Variants in GAB2 observed in about 807,000 individuals in gnomAD.
GAB2 encodes GRB2 associated binding protein 2.
In GAB2, 26 loss-of-function variants were observed where a neutral mutation model predicts 65.5. The observed-to-expected ratio is 0.40, with a 90% CI of 0.29 to 0.55. The LOEUF is 0.55. Ranked by LOEUF, GAB2 falls within the 20% of genes least tolerant of loss-of-function variation. GAB2 has a pLI of 0.53. For missense variants in GAB2, 884 were observed against 875.8 expected (o/e 1.01, Z -0.12); for synonymous variants, 321 against 329.6 (o/e 0.97, Z 0.28).
At chr11:78,394,324 A>G (rs1856868401) in intron 1 of GAB2, among the ~76,000 whole-genome samples, 1 of 152,098 alleles carries the variant, frequency 6.6e-6, no homozygotes, top group Non-Finnish European at 1.5e-5. Context: ...AAGCTATACT[A>G]TGAGATCTTC....
intron 2 of GAB2, among the ~76,000 whole-genome samples, chr11:78,278,529 C>G (rs151054452): frequency 6.6e-6 from 1 of 151,658 alleles, no homozygotes; most frequent in African/African-American, 2.4e-5. Flanking sequence ...TACAGGTGCA[C>G]GTCACCACAG....
chr11:78,374,604 T>C (rs1379972266), intron 1 of GAB2, among the ~76,000 whole-genome samples: 2 of 152,244 alleles, frequency 1.3e-5, no homozygotes, highest in African/African-American at 2.4e-5. Context: ...ATGCTGGTCA[T>C]TACGCTGAAT....
At chr11:78,263,611 C>T (rs963097413) in intron 2 of GAB2, among the ~76,000 whole-genome samples, 6 of 141,968 alleles carry the variant, frequency 4.2e-5, no homozygotes, top group African/African-American at 1.6e-4. Flanking sequence ...CCAACTTGGG[C>T]GACAGAGTGA....
intron 3 of GAB2, among the ~76,000 whole-genome samples, chr11:78,243,297 G>A (rs1399537893): frequency 6.6e-6 from 1 of 151,886 alleles, no homozygotes; most frequent in Admixed American, 6.6e-5. Context: ...GCAAAACTTT[G>A]TCTCTACTAA....
intron 1 of GAB2, among the ~76,000 whole-genome samples, chr11:78,310,882 A>T (rs1045082151): frequency 6.6e-6 from 1 of 152,174 alleles, no homozygotes; most frequent in African/African-American, 2.4e-5. Context: ...TTCTAAAAAA[A>T]TAAGAAGACC....
intron 1 of GAB2, among the ~76,000 whole-genome samples, chr11:78,405,570 TA>T (rs1565187508): frequency 3.3e-5 from 5 of 152,190 alleles, no homozygotes. Context: ...TGCTTTTGTA[TA>T]AGCAACATTC....
chr11:78,340,669 A>G (rs1005480968), intron 1 of GAB2, among the ~76,000 whole-genome samples: 1 of 151,956 alleles, frequency 6.6e-6, no homozygotes, highest in Non-Finnish European at 1.5e-5. Context: ...GGGGGAAGAG[A>G]GAAAAGGAAA....
intron 1 of GAB2, among the ~76,000 whole-genome samples, chr11:78,373,367 T>C (rs1210471077): frequency 6.6e-6 from 1 of 151,252 alleles, no homozygotes; most frequent in African/African-American, 2.4e-5. Context: ...GCCTCTGGAG[T>C]AGCTGGGATT....
chr11:78,311,958 A>C (rs1469130364), intron 1 of GAB2, among the ~76,000 whole-genome samples: 1 of 152,116 alleles, frequency 6.6e-6, no homozygotes, highest in African/African-American at 2.4e-5. Context: ...TACCTAACAA[A>C]CAATGCCGTC....
intron 1 of GAB2, among the ~76,000 whole-genome samples, chr11:78,401,505 CGTGTGTGTGTGTGTGTGTGTGT>C (rs34474918): frequency 5.6e-5 from 7 of 124,936 alleles, no homozygotes; most frequent in African/African-American, 1.5e-4. Flanking sequence ...GAACAGTATT[CGTGTGTGTGTGTGTGTGTGTGT>C]GTGTGTGTGT....
intron 1 of GAB2, among the ~76,000 whole-genome samples, chr11:78,293,816 C>T (rs567968913): frequency 3.3e-5 from 5 of 151,958 alleles, no homozygotes; most frequent in Admixed American, 1.3e-4. Context: ...AACAGCCAAC[C>T]GAGAGAGAGC....
intron 2 of GAB2, 38 bp downstream of exon 2, chr11:78,280,563 C>A: frequency 6.5e-7 from 1 of 1,542,724 alleles, no homozygotes; most frequent in African/African-American, 1.4e-5. Context: ...GGCCTCACCT[C>A]AACCCCCTAT....
Position 78,226,845 on chromosome 11 carries a change from C to T in GAB2, c.827G>A (p.Gly276Asp), listed in dbSNP as rs529081484. 29 of 1,614,038 alleles carry T rather than the reference C, an allele frequency of 1.8e-5. No individual in the cohort carries two copies. In the East Asian group the frequency reaches 3.8e-4, roughly 21 times the overall value. Residue 276 changes from glycine to aspartate, a missense_variant, in exon 4 of 10, where the codon GGC becomes GAC. By Grantham distance (94) the Gly-to-Asp change is moderately conservative. Coordinates refer to ENST00000361507, the MANE Select transcript of GAB2 (RefSeq NM_080491.3). ...YDLPRSLASHGHTKGSLTGSE... is the reference protein window; with the variant it reads ...YDLPRSLASHDHTKGSLTGSE... ...GCCTGTGAGGCTGCCCTTGGTGTGG[C>T]CATGGGAGGCCAGGCTGCGGGGGAG...
chr11:78,254,909 T>C (rs1249498271), intron 2 of GAB2, among the ~76,000 whole-genome samples: 1 of 152,056 alleles, frequency 6.6e-6, no homozygotes, highest in Non-Finnish European at 1.5e-5. Context: ...CTTGCAACTT[T>C]AAAAAGATCT....
intron 3 of GAB2, among the ~76,000 whole-genome samples, chr11:78,230,119 T>C (rs12271893): frequency 0.04 from 6,125 of 152,350 alleles, 181 homozygotes; most frequent in Middle Eastern, 0.095. Flanking sequence ...TGTTGCATTA[T>C]AAATAATGAA....
intron 2 of GAB2, among the ~76,000 whole-genome samples, chr11:78,266,580 T>A (rs1365205401): frequency 1.3e-5 from 2 of 152,228 alleles, no homozygotes; most frequent in African/African-American, 2.4e-5. Flanking sequence ...TTAAATATTT[T>A]CACACTTGAG....
chr11:78,399,114 A>AT (rs1856938539), intron 1 of GAB2, among the ~76,000 whole-genome samples: 1 of 152,224 alleles, frequency 6.6e-6, no homozygotes, highest in South Asian at 2.1e-4. Context: ...AGAAGCCAGC[A>AT]TAAAAATGGG....
At chr11:78,319,345 C>T (rs543617754) in intron 1 of GAB2, among the ~76,000 whole-genome samples, 1 of 152,298 alleles carries the variant, frequency 6.6e-6, no homozygotes, top group South Asian at 2.1e-4. Flanking sequence ...TTTCAAATGC[C>T]TTAAAAATGT....
chr11:78,312,443 T>G (rs778508904), intron 1 of GAB2, among the ~76,000 whole-genome samples: 1 of 152,250 alleles, frequency 6.6e-6, no homozygotes, highest in Non-Finnish European at 1.5e-5. Flanking sequence ...ATTTATTTTT[T>G]GAGACGGAGT....
Sources: allele counts gnomAD v4.1 joint callset (sites outside exome capture counted in the v4.1 genomes callset), GRCh38; gene constraint gnomAD v4.1.1; transcripts MANE v1.5; gene names NCBI Gene and HGNC (gene_info 2026-07-23, HGNC 2026-07-21).